Variants in CAMK2D observed in about 807,000 individuals in gnomAD.
The protein encoded by CAMK2D is calcium/calmodulin-dependent protein kinase type II subunit delta.
In CAMK2D, 37 loss-of-function variants were observed where a neutral mutation model predicts 84.0. The observed-to-expected ratio is 0.44, with a 90% CI of 0.34 to 0.58. The LOEUF is 0.58. CAMK2D is among the 20% of genes least tolerant of loss of function. CAMK2D has a pLI of 0.02. For synonymous variants in CAMK2D, 202 were observed against 212.5 expected (o/e 0.95, Z 0.43); for missense variants, 448 against 652.5 (o/e 0.69, Z 3.41).
chr4:113,606,360 C>T (rs1227141325), intron 4 of CAMK2D, among the ~76,000 whole-genome samples: 1 of 152,030 alleles, frequency 6.6e-6, no homozygotes, highest in Non-Finnish European at 1.5e-5. Flanking sequence ...ATCCCAGCTA[C>T]TCAGGAGGCT....
At chr4:113,695,665 T>G (rs2099400382) in intron 2 of CAMK2D, among the ~76,000 whole-genome samples, 1 of 152,084 alleles carries the variant, frequency 6.6e-6, no homozygotes, top group African/African-American at 2.4e-5. Flanking sequence ...CCACCTCCCC[T>G]ACAACCACCT....
chr4:113,572,122 G>A (rs1404329399), intron 4 of CAMK2D, among the ~76,000 whole-genome samples: 1 of 152,024 alleles, frequency 6.6e-6, no homozygotes, highest in Non-Finnish European at 1.5e-5. Flanking sequence ...AAAGAATAGG[G>A]TTGTGCTAAA....
intron 2 of CAMK2D, among the ~76,000 whole-genome samples, chr4:113,720,544 C>T (rs2099527458): frequency 6.6e-6 from 1 of 151,712 alleles, no homozygotes; most frequent in Non-Finnish European, 1.5e-5. Context: ...CTGATATTGG[C>T]CATCTATAAA....
intron 4 of CAMK2D, among the ~76,000 whole-genome samples, chr4:113,602,530 T>A (rs1591781822): frequency 6.6e-6 from 1 of 152,220 alleles, no homozygotes; most frequent in Non-Finnish European, 1.5e-5. Flanking sequence ...AGCCTGAGCC[T>A]GGAGACTGCA....
intron 2 of CAMK2D, among the ~76,000 whole-genome samples, chr4:113,741,511 T>C (rs1182697391): frequency 2.0e-5 from 3 of 152,190 alleles, no homozygotes; most frequent in Admixed American, 6.5e-5. Flanking sequence ...ACAGTATATA[T>C]AGTTTTGTGC....
intron 16 of CAMK2D, among the ~76,000 whole-genome samples, chr4:113,492,023 C>G (rs2097851163): frequency 6.6e-6 from 1 of 151,912 alleles, no homozygotes; most frequent in Non-Finnish European, 1.5e-5. Context: ...CTATTTGATT[C>G]TTCTCTCTTT....
intron 4 of CAMK2D, among the ~76,000 whole-genome samples, chr4:113,583,370 C>G (rs1449654333): frequency 6.6e-6 from 1 of 152,194 alleles, no homozygotes; most frequent in Non-Finnish European, 1.5e-5. Flanking sequence ...TCTGCAATAA[C>G]AGAATCCACT....
intron 2 of CAMK2D, among the ~76,000 whole-genome samples, chr4:113,742,959 T>C (rs1261785705): frequency 6.6e-6 from 1 of 152,114 alleles, no homozygotes; most frequent in Non-Finnish European, 1.5e-5. Flanking sequence ...GAGTCCTTAG[T>C]TTATGCAGAA....
chr4:113,555,473 G>A (rs2098658253), intron 4 of CAMK2D, among the ~76,000 whole-genome samples: 1 of 152,144 alleles, frequency 6.6e-6, no homozygotes, highest in Admixed American at 6.5e-5. Flanking sequence ...CAAACCTAGT[G>A]AGATGAGATT....
chr4:113,609,901 A>G (rs946092369), intron 3 of CAMK2D, among the ~76,000 whole-genome samples: 6 of 152,224 alleles, frequency 3.9e-5, no homozygotes, highest in Non-Finnish European at 8.8e-5. Context: ...AAAATTTTCA[A>G]TGAGCCAGAC....
chr4:113,634,375 A>G (rs2099101923), intron 3 of CAMK2D, among the ~76,000 whole-genome samples: 1 of 152,218 alleles, frequency 6.6e-6, no homozygotes, highest in South Asian at 2.1e-4. Flanking sequence ...TTTCAAAGCA[A>G]AGACAGAATT....
At chr4:113,622,844 C>T (rs1172586423) in intron 3 of CAMK2D, among the ~76,000 whole-genome samples, 1 of 152,142 alleles carries the variant, frequency 6.6e-6, no homozygotes, top group East Asian at 1.9e-4. Flanking sequence ...CATGATGAAA[C>T]ACTGTTTAAC....
chr4:113,721,859 CA>C (rs34824173), intron 2 of CAMK2D, among the ~76,000 whole-genome samples: 1 of 152,106 alleles, frequency 6.6e-6, no homozygotes, highest in Non-Finnish European at 1.5e-5. Flanking sequence ...AACATTGTAA[CA>C]AATGTTATCT....
chr4:113,617,883 T>C (rs927648064), intron 3 of CAMK2D, among the ~76,000 whole-genome samples: 1 of 151,288 alleles, frequency 6.6e-6, no homozygotes, highest in Non-Finnish European at 1.5e-5. Flanking sequence ...AAGGTAACTA[T>C]TGCTTTGTGA....
At chr4:113,635,170 T>A (rs1278250008) in intron 3 of CAMK2D, among the ~76,000 whole-genome samples, 6 of 152,206 alleles carry the variant, frequency 3.9e-5, no homozygotes, top group African/African-American at 1.2e-4. Flanking sequence ...ATAATCAAAA[T>A]CATTCTTTCC....
rs189841421 is a variant in CAMK2D, at chr4:113,496,951, A to G, written c.1135+3512T>C. 1.2e-3 allele frequency among the ~76,000 whole-genome samples: 185 copies of G among 152,336 alleles called. 3 individuals are homozygous for G. The highest frequency in any genetic ancestry group is 4.2e-3 in the African/African-American group (173 of 41,574). Reference sequence around the variant, plus strand: ...ACTCTGGAAGCTTTTTAAAAAGAAGAGTTGTAAAACAATGCCAGTCCCTTG... The same window carrying G: ...ACTCTGGAAGCTTTTTAAAAAGAAGGGTTGTAAAACAATGCCAGTCCCTTG... On this transcript the variant is annotated intron_variant, in intron 16 of 20. Coordinates refer to ENST00000511664, the MANE Select transcript of CAMK2D (RefSeq NM_001321571.2).
chr4:113,748,023 T>C (rs188722985), intron 2 of CAMK2D, among the ~76,000 whole-genome samples: 1 of 151,962 alleles, frequency 6.6e-6, no homozygotes, highest in East Asian at 1.9e-4. Context: ...AACTTGTTTT[T>C]TTTCCTACCT....
chr4:113,596,544 A>G (rs2098927491), intron 4 of CAMK2D, among the ~76,000 whole-genome samples: 1 of 152,210 alleles, frequency 6.6e-6, no homozygotes, highest in African/African-American at 2.4e-5. Context: ...ATTGACCCAG[A>G]GGTTGCAGAA....
At chr4:113,508,315 C>A in intron 13 of CAMK2D, 2 of 1,361,400 alleles carry the variant, frequency 1.5e-6, no homozygotes, top group South Asian at 2.5e-5. Context: ...AAAATATGAC[C>A]GGTTGAATTT....
Sources: gnomAD v4.1 joint callset for allele counts (sites outside exome capture counted in the v4.1 genomes callset) on GRCh38, gnomAD v4.1.1 for gene constraint, MANE v1.5 for transcripts, NCBI Gene and HGNC (gene_info 2026-07-23, HGNC 2026-07-21) for gene names.